Variants in MEIOB observed in about 807,000 individuals in gnomAD.
MEIOB encodes the protein meiosis-specific with OB domain-containing protein.
In MEIOB, 50 loss-of-function variants were observed where a neutral mutation model predicts 53.1. That is an observed-to-expected ratio of 0.94 (90% CI 0.75 to 1.19). The LOEUF (loss-of-function observed/expected upper bound fraction) is 1.19, where lower values mean the gene tolerates loss of function less well. Ranked by LOEUF, MEIOB falls within the 50% of genes most tolerant of loss-of-function variation. The pLI is 0.00. For synonymous variants in MEIOB, 192 were observed against 182.5 expected, an observed-to-expected ratio of 1.05 and a Z score of -0.42; for missense variants, 551 against 550.8, an observed-to-expected ratio of 1.00 and a Z score of 0.00.
intron 11 of MEIOB, 102 bp from the exon 12 acceptor site, chr16:1,839,540 G>C: frequency 1.8e-6 from 2 of 1,103,590 alleles, no homozygotes; most frequent in South Asian, 3.2e-5. Context: ...GACAGTGTGT[G>C]GAAAACTTAC....
At chr16:1,841,002 T>C (rs1188607626) in intron 11 of MEIOB, 1 of 146,238 alleles carries the variant, frequency 6.8e-6, no homozygotes, top group Non-Finnish European at 1.5e-5. Context: ...GAGTTTACTT[T>C]CTTTTCTTTC....
At chr16:1,835,537 G>T (rs963326436) in intron 13 of MEIOB, among the ~76,000 whole-genome samples, 1 of 152,126 alleles carries the variant, frequency 6.6e-6, no homozygotes, top group Non-Finnish European at 1.5e-5. Flanking sequence ...GGAAAACTGG[G>T]AAAGACTTTA....
At position 1,851,815 on chromosome 16, in the gene MEIOB, G is replaced by A. The variant is rs9928655; in HGVS notation, c.778+1224C>T. 4.7e-4 allele frequency among the ~76,000 whole-genome samples: 72 copies of A among 152,270 alleles called. 1 individual carries two copies. Among genetic ancestry groups the A allele is most frequent in the African/African-American group, 1.7e-3 (69 of 41,560 alleles). On this transcript the variant is annotated intron_variant, in intron 9 of 13. Transcript: ENST00000325962. ...TTTGTTACAGACCAGCAGCGTGAGC[G>A]TATGTTTTAAATGATACACTACATA...
chr16:1,836,494 A>G (rs1432737539), intron 13 of MEIOB, among the ~76,000 whole-genome samples: 1 of 152,050 alleles, frequency 6.6e-6, no homozygotes, highest in Non-Finnish European at 1.5e-5. Context: ...ACTTGCAAAG[A>G]GACAGTATTT....
rs1445121171 is a variant in MEIOB, at chr16:1,845,392, C to T, written c.779-429G>A. ...AAAATTAACCAGGCGTGGTGGTGGG[C>T]GCCTGTAGTCCCAGCTAGTTGGGAG... On this transcript the variant is annotated intron_variant, in intron 9 of 13. Coordinates refer to ENST00000325962, the MANE Select transcript of MEIOB (RefSeq NM_001163560.3). 2.0e-5 allele frequency among the ~76,000 whole-genome samples: 3 copies of T among 151,936 alleles called. No homozygotes were observed. The East Asian group carries it at 5.8e-4, about 29-fold the overall frequency.
At chr16:1,846,032 T>C (rs1899020213) in intron 9 of MEIOB, among the ~76,000 whole-genome samples, 1 of 152,220 alleles carries the variant, frequency 6.6e-6, no homozygotes, top group African/African-American at 2.4e-5. Context: ...CAGCACGCAG[T>C]GTCCCACGTG....
chr16:1,852,709 C>T (rs1160062701), intron 9 of MEIOB, among the ~76,000 whole-genome samples: 2 of 151,868 alleles, frequency 1.3e-5, no homozygotes, highest in Non-Finnish European at 2.9e-5. Context: ...GCGCCCACCA[C>T]CAAGCCCAGC....
chr16:1,866,417 T>C (rs11643404), intron 2 of MEIOB, among the ~76,000 whole-genome samples: 13,092 of 152,234 alleles, frequency 0.086, 700 homozygotes, highest in South Asian at 0.21. Context: ...AAATTTTAAA[T>C]GTGTTTTAAG....
At position 1,853,018 on chromosome 16, in the gene MEIOB, AG is replaced by A; in HGVS notation, c.778+20del. The stretch of plus-strand genomic sequence containing the variant: ...GTTCAGTCATTTCCAAAGGGATAAA[AG>A]GTTTCACAAAGTTTTTTACCTGGAT... On this transcript the variant is annotated intron_variant, in intron 9 of 13. Transcript: ENST00000325962. 1 of 1,438,154 alleles carries A rather than the reference AG, an allele frequency of 7.0e-7. No individual in the cohort carries two copies. Among genetic ancestry groups the A allele is most frequent in the Non-Finnish European group, 9.8e-7 (1 of 1,022,198 alleles). The allele number at this position is 1,438,154 out of a possible 1,614,324, so 89.1% of individuals were successfully genotyped here. A position where few individuals can be genotyped will look rare whatever the true frequency, so the allele number is the denominator to read the frequency against.
chr16:1,848,583 C>T (rs532274045), intron 9 of MEIOB, among the ~76,000 whole-genome samples: 2 of 135,682 alleles, frequency 1.5e-5, no homozygotes, highest in South Asian at 2.4e-4. Context: ...CACTCTGTTG[C>T]CCAGGCTGGG....
At chr16:1,865,475 ACACACACG>A (rs1899566537) in intron 3 of MEIOB, among the ~76,000 whole-genome samples, 1 of 5,094 alleles carries the variant, frequency 2.0e-4, no homozygotes, top group African/African-American at 7.1e-4. Flanking sequence ...ATACATATAT[ACACACACG>A]TGTACACACA....
At chr16:1,857,572 T>C (rs1742434) in intron 6 of MEIOB, 163 bp downstream of exon 6, 308 of 553,680 alleles carry the variant, frequency 5.6e-4, no homozygotes, top group African/African-American at 5.4e-3. Flanking sequence ...AAAGCTAGTT[T>C]CCCTTTAATG....
chr16:1,849,787 A>G (rs1050444797), intron 9 of MEIOB, among the ~76,000 whole-genome samples: 4 of 152,204 alleles, frequency 2.6e-5, no homozygotes, highest in African/African-American at 9.6e-5. Flanking sequence ...TGTACAACGT[A>G]GTAGCTATGA....
chr16:1,839,280 A>C lies in MEIOB; in HGVS notation c.1193T>G (p.Val398Gly). The stretch of plus-strand genomic sequence containing the variant: ...CGTGCAGCCCAAAGTCTCCTCAGCA[A>C]CACTTCCTGTGAGACTACAGGAATG... ...TLHSCSLTGSVAEETLGCTVH... is the reference protein window; with the variant it reads ...TLHSCSLTGSGAEETLGCTVH... Residue 398 changes from valine to glycine, a missense_variant, in exon 12 of 14, where the codon GTT (valine) becomes GGT (glycine). Transcript: ENST00000325962. 1 of 1,612,260 alleles carries C rather than the reference A, an allele frequency of 6.2e-7. No individual in the cohort carries two copies. Among genetic ancestry groups the C allele is most frequent in the Non-Finnish European group, 8.5e-7 (1 of 1,179,308 alleles).
Position 1,837,850 on chromosome 16 carries a change from C to A in MEIOB, c.1239G>T (p.Met413Ile). 6.5e-7 allele frequency: 1 copy of A among 1,531,758 alleles called. No homozygotes were observed. Among genetic ancestry groups the A allele is most frequent in the South Asian group, 1.3e-5 (1 of 79,886 alleles). 94.9% of individuals were successfully genotyped at this position (1,531,758 alleles called of 1,614,324 possible). The change falls in exon 13 of 14, where the codon ATG becomes ATT. Residue 413 changes from methionine (M) to isoleucine (I), a missense_variant. Met to Ile is a conservative substitution (Grantham distance 10, BLOSUM62 1). Transcript: ENST00000325962. ...LGCTVHEFLA[M>I]TDEQKTALKW... Reference sequence around the variant, plus strand: ...TTAATGCTGTTTTCTGTTCATCTGTCATTGCAAGAAACTCATGTACCTGGT... The same window carrying A: ...TTAATGCTGTTTTCTGTTCATCTGTAATTGCAAGAAACTCATGTACCTGGT...
At chr16:1,852,103 C>T (rs1255011864) in intron 9 of MEIOB, among the ~76,000 whole-genome samples, 2 of 152,132 alleles carry the variant, frequency 1.3e-5, no homozygotes, top group African/African-American at 4.8e-5. Context: ...TGCACGCATG[C>T]ATGTGTTATC....
At position 1,838,827 on chromosome 16, in the gene MEIOB, G is replaced by A. The variant is rs1055373020; in HGVS notation, c.1218+428C>T. Among the ~76,000 whole-genome samples, 3 of 152,176 alleles carry A rather than the reference G, an allele frequency of 2.0e-5. No homozygotes were observed. In the East Asian group the frequency reaches 5.8e-4, roughly 29 times the overall value. ...GTGCCCCAGCCTCCTGAGTAGCTAG[G>A]ATTACAAGTGCACGTCACCACACCC... is the stretch of plus-strand genomic sequence containing the variant. On this transcript the variant is annotated intron_variant, in intron 12 of 13. Coordinates refer to ENST00000325962, the MANE Select transcript of MEIOB (RefSeq NM_001163560.3).
intron 5 of MEIOB, among the ~76,000 whole-genome samples, chr16:1,859,833 A>G (rs1234748757): frequency 6.6e-6 from 1 of 151,966 alleles, no homozygotes; most frequent in African/African-American, 2.4e-5. Context: ...GCCCCGCCCC[A>G]TCCTGCGGGT....
At chr16:1,837,724 G>T in intron 13 of MEIOB, 60 bp downstream of exon 13, 2 of 877,636 alleles carry the variant, frequency 2.3e-6, no homozygotes, top group Non-Finnish European at 3.4e-6. Flanking sequence ...TTTTTCTTAT[G>T]GTTTGAATAT....
Sources: allele counts gnomAD v4.1 joint callset (sites outside exome capture counted in the v4.1 genomes callset), GRCh38; gene constraint gnomAD v4.1.1; transcripts MANE v1.5; gene names NCBI Gene and HGNC (gene_info 2026-07-23, HGNC 2026-07-21).